LRRC74A: variants seen among roughly 807,000 people sequenced by gnomAD.
LRRC74A encodes the protein leucine rich repeat containing 74A.
LRRC74A carries 44 observed loss-of-function variants against 57.9 expected under a neutral mutation model. That is an observed-to-expected ratio of 0.76 (90% CI 0.60 to 0.98). The LOEUF is 0.98. LRRC74A is among the 50% of genes least tolerant of loss of function. The pLI is 0.00. For missense variants in LRRC74A, 572 were observed against 574.0 expected (o/e 1.00, Z 0.04); for synonymous variants, 211 against 219.4 (o/e 0.96, Z 0.34).
intron 4 of LRRC74A, 84 bp downstream of exon 4, chr14:76,836,398 A>G: frequency 9.8e-7 from 1 of 1,018,938 alleles, no homozygotes; most frequent in Non-Finnish European, 1.4e-6. Context: ...CCCTGCCAGG[A>G]CCCAGGCTGC....
chr14:76,844,304 C>T (rs1241887839), intron 5 of LRRC74A, 119 bp from the exon 6 acceptor site: 1 of 949,044 alleles, frequency 1.1e-6, no homozygotes, highest in African/African-American at 1.6e-5. Flanking sequence ...CGTCTGGCCC[C>T]TACCACCTTT....
chr14:76,857,517 C>A, intron 10 of LRRC74A, 42 bp downstream of exon 10: 1 of 1,387,268 alleles, frequency 7.2e-7, no homozygotes, highest in Non-Finnish European at 1.0e-6. Flanking sequence ...GGGCACAAGC[C>A]AGTGACCCTG....
chr14:76,844,701 A>G (rs1897004845), intron 6 of LRRC74A, 119 bp from the exon 7 acceptor site: 1 of 705,674 alleles, frequency 1.4e-6, no homozygotes, highest in Non-Finnish European at 2.5e-6. Flanking sequence ...TGCCTAAGAC[A>G]TTGTCTTCAC....
chr14:76,867,356 C>T lies in LRRC74A; in HGVS notation c.1309C>T (p.Gln437Ter), dbSNP rs1420217510. ...VDEFQKVMIE[Q>*]NKVPLNQYQV... is the part of the protein sequence containing the mutation. ...GCACATGTTCCATCCACCTCCTCAG[C>T]AAAACAAGGTCCCCCTGAACCAGTA... Residue 437 changes from glutamine to a stop codon, truncating the protein, a stop_gained and splice_region_variant, in exon 13 of 14, where the codon CAA (glutamine) becomes TAA (stop). Transcript: ENST00000689127. LOFTEE classifies it high-confidence loss of function. 3 of 1,545,826 alleles carry T rather than the reference C, an allele frequency of 1.9e-6. No individual in the cohort carries two copies. Among genetic ancestry groups the T allele is most frequent in the Middle Eastern group, 1.7e-4 (1 of 5,950 alleles).
At chr14:76,867,550 C>T in intron 13 of LRRC74A, 112 bp downstream of exon 13, 1 of 615,020 alleles carries the variant, frequency 1.6e-6, no homozygotes, top group Non-Finnish European at 3.0e-6. Flanking sequence ...CTTCACCCAC[C>T]TGCCTGTTCC....
intron 2 of LRRC74A, among the ~76,000 whole-genome samples, chr14:76,830,401 C>A (rs1031006914): frequency 6.6e-6 from 1 of 152,242 alleles, no homozygotes; most frequent in African/African-American, 2.4e-5. Context: ...TGCCCAGTGA[C>A]CATGGGCCAG....
chr14:76,844,498 C>T (rs1362859229), intron 6 of LRRC74A, 26 bp downstream of exon 6: 1 of 1,608,926 alleles, frequency 6.2e-7, no homozygotes, highest in Non-Finnish European at 8.5e-7. Context: ...TGCAGCCAAG[C>T]CACGTGGGCG....
Position 76,867,466 on chromosome 14 carries a change from G to A in LRRC74A, c.1391+28G>A, listed in dbSNP as rs371700830. 3.8e-4 allele frequency: 496 copies of A among 1,302,466 alleles called. 2 individuals carry two copies. In the Middle Eastern group the frequency reaches 7.0e-3, roughly 18 times the overall value. 80.7% of individuals were successfully genotyped at this position (1,302,466 alleles called of 1,614,324 possible). ...CAGCCCAGGCCCCGCGACGATCCCC[G>A]TTCTCTGCAAGGGGCCCTGGCTGGG... is the stretch of plus-strand genomic sequence containing the variant. On this transcript the variant is annotated intron_variant, in intron 13 of 13. Coordinates refer to ENST00000689127, the MANE Select transcript of LRRC74A (RefSeq NM_001385106.1).
chr14:76,862,422 T>C (rs1406945827), intron 11 of LRRC74A, among the ~76,000 whole-genome samples: 1 of 126,388 alleles, frequency 7.9e-6, no homozygotes, highest in Non-Finnish European at 1.6e-5. Flanking sequence ...CCCAGCTACT[T>C]GGGAAACTGA....
rs1899354104 is a variant in LRRC74A, at chr14:76,870,300, G to A, written c.*151G>A. On this transcript the variant is annotated 3_prime_UTR_variant, in exon 14 of 14. Transcript: ENST00000689127. ...AGCAAATAAAGTCTGGCTTGGTTCTGGGTGTCTTGGGCTGCTGGTGGTGTG... is the reference window on the plus strand; with the variant it reads ...AGCAAATAAAGTCTGGCTTGGTTCTAGGTGTCTTGGGCTGCTGGTGGTGTG... The A allele has an allele frequency of 3.6e-6, 3 of 836,316 alleles. No individual in the cohort carries two copies. Among genetic ancestry groups the A allele is most frequent in the African/African-American group, 3.4e-5 (2 of 58,950 alleles). The allele number at this position is 836,316 out of a possible 1,614,324, so 51.8% of individuals were successfully genotyped here.
At chr14:76,869,476 G>A (rs1459707854) in intron 13 of LRRC74A, among the ~76,000 whole-genome samples, 1 of 86 alleles carries the variant, frequency 0.012, no homozygotes, top group African/African-American at 0.062. Flanking sequence ...AAACCCGGCT[G>A]GGCGCGGTGC....
At position 76,849,541 on chromosome 14, in the gene LRRC74A, C is replaced by T. The variant is rs111696050; in HGVS notation, c.677-2824C>T. Among the ~76,000 whole-genome samples the T allele has an allele frequency of 3.6e-3, 553 of 151,974 alleles. 2 individuals carry two copies. Among genetic ancestry groups the T allele is most frequent in the African/African-American group, 0.013 (534 of 41,448 alleles). ...CTATTGCTGGGCGGGGTAGATCATG[C>T]CTGTAATCCCAACACTTTCGGAGGC... On this transcript the variant is annotated intron_variant, in intron 7 of 13. Coordinates refer to ENST00000689127, the MANE Select transcript of LRRC74A (RefSeq NM_001385106.1).
intron 3 of LRRC74A, among the ~76,000 whole-genome samples, chr14:76,834,290 T>C (rs1216828679): frequency 6.6e-6 from 1 of 152,224 alleles, no homozygotes; most frequent in Non-Finnish European, 1.5e-5. Context: ...CATTACCTCA[T>C]GAGCTTCGTG....
Position 76,866,053 on chromosome 14 carries a change from A to T in LRRC74A, c.1286A>T (p.Glu429Val), listed in dbSNP as rs766336374. ...GGGACAATGAAGATGTCTGTGGATG[A>T]GTTCCAGAAAGTGATGATAGAGGTG... Reference protein sequence around the residue: ...PTGTMKMSVDEFQKVMIEQNK... With the variant: ...PTGTMKMSVDVFQKVMIEQNK... Residue 429 changes from glutamate (E) to valine (V), a missense_variant, in exon 12 of 14, where the codon GAG (glutamate) becomes GTG (valine). Glu to Val is a moderately radical substitution (Grantham distance 121, BLOSUM62 -2). Transcript: ENST00000689127. 1 of 1,576,414 alleles carries T rather than the reference A, an allele frequency of 6.3e-7. No individual in the cohort carries two copies. Among genetic ancestry groups the T allele is most frequent in the Non-Finnish European group, 8.7e-7 (1 of 1,150,416 alleles).
intron 7 of LRRC74A, among the ~76,000 whole-genome samples, chr14:76,850,312 T>A (rs1213697986): frequency 1.3e-5 from 2 of 151,942 alleles, no homozygotes; most frequent in Non-Finnish European, 2.9e-5. Flanking sequence ...ATCACATGGG[T>A]AGTAAGTGGT....
intron 11 of LRRC74A, among the ~76,000 whole-genome samples, chr14:76,865,225 T>C (rs1442126967): frequency 6.6e-6 from 1 of 152,196 alleles, no homozygotes; most frequent in Non-Finnish European, 1.5e-5. Flanking sequence ...ATAAATACAG[T>C]CAGCCCTTCG....
intron 7 of LRRC74A, among the ~76,000 whole-genome samples, chr14:76,850,017 G>T (rs920799963): frequency 1.3e-5 from 2 of 151,878 alleles, no homozygotes; most frequent in African/African-American, 2.4e-5. Context: ...GACCATCCTG[G>T]CTAACACGGT....
rs545024136 is a variant in LRRC74A, at chr14:76,846,414, G to A, written c.676+1513G>A. 4.6e-5 allele frequency among the ~76,000 whole-genome samples: 7 copies of A among 152,308 alleles called. No individual in the cohort carries two copies. In the South Asian group the frequency reaches 1.4e-3, roughly 32 times the overall value. Reference sequence around the variant, plus strand: ...AAATTCCCTCCCATCAAGGGGAATTGTCTCAGAGAAGCTCTCACACATACA... The same window carrying A: ...AAATTCCCTCCCATCAAGGGGAATTATCTCAGAGAAGCTCTCACACATACA... On this transcript the variant is annotated intron_variant, in intron 7 of 13. Coordinates refer to ENST00000689127, the MANE Select transcript of LRRC74A (RefSeq NM_001385106.1).
At position 76,844,408 on chromosome 14, in the gene LRRC74A, C is replaced by T. The variant is rs377239376; in HGVS notation, c.545-15C>T. 4 of 1,611,364 alleles carry T rather than the reference C, an allele frequency of 2.5e-6. No homozygotes were observed. The African/African-American group carries it at 4.0e-5, about 16-fold the overall frequency. On this transcript the variant is annotated splice_polypyrimidine_tract_variant and intron_variant, in intron 5 of 13. Transcript: ENST00000689127. ...GGTCTAGCAGTGCATCACTGACACACCACCCTCACTACAGGAAATGACTTC... is the reference window on the plus strand; with the variant it reads ...GGTCTAGCAGTGCATCACTGACACATCACCCTCACTACAGGAAATGACTTC...
Sources: allele counts gnomAD v4.1 joint callset (sites outside exome capture counted in the v4.1 genomes callset), GRCh38; gene constraint gnomAD v4.1.1; transcripts MANE v1.5; gene names NCBI Gene and HGNC (gene_info 2026-07-23, HGNC 2026-07-21).